Variants in CYB5R4 observed in about 807,000 individuals in gnomAD.
CYB5R4 encodes N-terminal cytochrome b5 and cytochrome b5 oxidoreductase domain-containing protein.
Under a neutral mutation model 70.2 loss-of-function variants are expected in CYB5R4, and 55 were observed. The ratio of observed to expected loss-of-function variants is 0.78; its 90% CI spans 0.63 to 0.98. The LOEUF (loss-of-function observed/expected upper bound fraction) is 0.98. Ranked by LOEUF, CYB5R4 falls within the 50% of genes least tolerant of loss-of-function variation. The probability of loss-of-function intolerance (pLI) is 0.00; values close to 1 mark genes in which losing one functional copy is unlikely to be tolerated. For missense variants in CYB5R4, 562 were observed against 612.6 expected (o/e 0.92, Z 0.87); for synonymous variants, 197 against 199.5 (o/e 0.99, Z 0.11).
At chr6:83,876,157 A>C (rs1409324969) in intron 2 of CYB5R4, among the ~76,000 whole-genome samples, 1 of 152,192 alleles carries the variant, frequency 6.6e-6, no homozygotes, top group Non-Finnish European at 1.5e-5. Flanking sequence ...CAGTTCTCTA[A>C]TATAGATTCA....
intron 5 of CYB5R4, 93 bp downstream of exon 5, chr6:83,914,541 C>G (rs2129138802): frequency 8.6e-7 from 1 of 1,165,286 alleles, no homozygotes; most frequent in African/African-American, 1.6e-5. Context: ...AAATTTTTTT[C>G]TTTTTTTTCT....
At chr6:83,947,400 TTAA>T (rs1371839827) in intron 14 of CYB5R4, among the ~76,000 whole-genome samples, 1 of 151,930 alleles carries the variant, frequency 6.6e-6, no homozygotes, top group Non-Finnish European at 1.5e-5. Flanking sequence ...TATGCAAAAA[TTAA>T]GATGGACTAA....
chr6:83,940,645 G>T (rs965208), intron 14 of CYB5R4, 44 bp downstream of exon 14: 182,914 of 1,563,214 alleles, frequency 0.12, 22,889 homozygotes, highest in African/African-American at 0.64. Context: ...TTTATACCTG[G>T]GTAGTAAGTC....
At chr6:83,864,040 C>T (rs1220022775) in intron 1 of CYB5R4, 135 bp from the exon 2 acceptor site, 15 of 761,400 alleles carry the variant, frequency 2.0e-5, no homozygotes, top group Admixed American at 1.4e-4. Context: ...AATTCAAATA[C>T]AGCATAAACA....
rs566397075 is a variant in CYB5R4 at position 83,898,726 on chromosome 6, A to G, written c.330+5104A>G. On this transcript the variant is annotated intron_variant, in intron 3 of 15. Coordinates refer to ENST00000369681, the MANE Select transcript of CYB5R4 (RefSeq NM_016230.4). ...TAGGTATTTTATTCTCTTTGAAGCA[A>G]TTGTGAATGGGAGTTCACTCATGAT... Among the ~76,000 whole-genome samples, 11 of 152,146 alleles carry G rather than the reference A, an allele frequency of 7.2e-5. No homozygotes were observed. The South Asian group carries it at 1.5e-3, about 20-fold the overall frequency.
intron 2 of CYB5R4, among the ~76,000 whole-genome samples, chr6:83,880,632 A>G (rs2099459298): frequency 6.6e-6 from 1 of 152,206 alleles, no homozygotes; most frequent in Non-Finnish European, 1.5e-5. Context: ...TTAGTATGTA[A>G]CTGATTGCTT....
chr6:83,907,765 A>T (rs1461550296), intron 3 of CYB5R4, among the ~76,000 whole-genome samples: 1 of 152,134 alleles, frequency 6.6e-6, no homozygotes, highest in African/African-American at 2.4e-5. Context: ...TACTAAGGAT[A>T]ATGGCCTCCA....
intron 14 of CYB5R4, among the ~76,000 whole-genome samples, chr6:83,953,130 T>C (rs2099471803): frequency 6.6e-6 from 1 of 152,162 alleles, no homozygotes; most frequent in South Asian, 2.1e-4. Flanking sequence ...ACTCTGTGAT[T>C]GAATAAATTT....
rs552693694 is a variant in CYB5R4 at position 83,961,631 on chromosome 6, C to G, written c.*1753C>G. 6.6e-6 allele frequency: 1 copy of G among 152,564 alleles called. No individual in the cohort carries two copies. The highest frequency in any genetic ancestry group is 2.1e-4 in the South Asian group (1 of 4,824). The allele number at this position is 152,564 out of a possible 1,614,324, so 9.5% of individuals were successfully genotyped here. On this transcript the variant is annotated 3_prime_UTR_variant, in exon 16 of 16. Coordinates refer to ENST00000369681, the MANE Select transcript of CYB5R4 (RefSeq NM_016230.4). ...GCAGAACTGTGAGTCAATTAAACCT[C>G]TTTTCTTCATAAATTACCCAGTCTC...
intron 2 of CYB5R4, among the ~76,000 whole-genome samples, chr6:83,881,253 C>T (rs903328528): frequency 6.6e-6 from 1 of 152,054 alleles, no homozygotes; most frequent in Non-Finnish European, 1.5e-5. Context: ...CAGCTCACTG[C>T]AGCCTCAGAC....
rs528600474 is a variant in CYB5R4, at chr6:83,963,079, A to G, written c.*3201A>G. The G allele has an allele frequency of 6.6e-6, 1 of 152,336 alleles. No individual in the cohort carries two copies. The highest frequency in any genetic ancestry group is 2.1e-4 in the South Asian group (1 of 4,834). 9.4% of individuals were successfully genotyped at this position (152,336 alleles called of 1,614,324 possible). A position where few individuals can be genotyped will look rare whatever the true frequency, so the allele number is the denominator to read the frequency against. On this transcript the variant is annotated 3_prime_UTR_variant, in exon 16 of 16. Transcript: ENST00000369681. The stretch of plus-strand genomic sequence containing the variant: ...GGTAATCTTCCTATTTTAAAAATCT[A>G]TAATTTTAATTATAGCTGTAAAGTC...
chr6:83,893,996 A>T (rs975825555), intron 3 of CYB5R4, among the ~76,000 whole-genome samples: 15 of 152,204 alleles, frequency 9.9e-5, no homozygotes, highest in Non-Finnish European at 1.5e-4. Context: ...CAAGTAACTT[A>T]GCTTCTTTTC....
rs899726356 is a variant in CYB5R4, at chr6:83,966,264, T to C, written c.*6386T>C. ...TTGTACATTTTAAGTAGATGAATTG[T>C]ATCTAATTTGAACCATATCTCAGTA... On this transcript the variant is annotated 3_prime_UTR_variant, in exon 16 of 16. Transcript: ENST00000369681. 6.6e-6 allele frequency: 1 copy of C among 152,252 alleles called. No individual in the cohort carries two copies. Among genetic ancestry groups the C allele is most frequent in the Non-Finnish European group, 1.5e-5 (1 of 68,046 alleles). 9.4% of individuals were successfully genotyped at this position (152,252 alleles called of 1,614,324 possible).
At chr6:83,876,198 CT>C (rs1028007785) in intron 2 of CYB5R4, among the ~76,000 whole-genome samples, 11 of 152,280 alleles carry the variant, frequency 7.2e-5, no homozygotes, top group Admixed American at 4.6e-4. Context: ...GAGCAACAGC[CT>C]GATAGGTTTC....
intron 3 of CYB5R4, among the ~76,000 whole-genome samples, chr6:83,893,948 C>T (rs1207531632): frequency 1.3e-5 from 2 of 152,132 alleles, no homozygotes; most frequent in African/African-American, 4.8e-5. Context: ...GAAGAAGGAA[C>T]ATTGGGATCC....
At chr6:83,945,094 C>T (rs2099470360) in intron 14 of CYB5R4, among the ~76,000 whole-genome samples, 3 of 152,176 alleles carry the variant, frequency 2.0e-5, no homozygotes, top group South Asian at 2.1e-4. Flanking sequence ...ATCTATGGAA[C>T]TCTTCACCCC....
chr6:83,862,045 G>C (rs1440798614), intron 1 of CYB5R4, among the ~76,000 whole-genome samples: 3 of 152,202 alleles, frequency 2.0e-5, no homozygotes, highest in African/African-American at 7.2e-5. Flanking sequence ...GAAAGACCTA[G>C]ATTCTTTCAC....
At chr6:83,952,583 A>G (rs547675926) in intron 14 of CYB5R4, among the ~76,000 whole-genome samples, 2 of 152,264 alleles carry the variant, frequency 1.3e-5, no homozygotes, top group South Asian at 2.1e-4. Flanking sequence ...TTTTGTTGAA[A>G]TAAATATTGT....
chr6:83,936,455 A>G (rs1450939268), intron 12 of CYB5R4, 79 bp downstream of exon 12: 19 of 1,252,288 alleles, frequency 1.5e-5, no homozygotes, highest in Non-Finnish European at 2.0e-5. Flanking sequence ...TCCATGTAGG[A>G]GTCTATCAGA....
Sources: allele counts gnomAD v4.1 joint callset (sites outside exome capture counted in the v4.1 genomes callset), GRCh38; gene constraint gnomAD v4.1.1; transcripts MANE v1.5; gene names NCBI Gene and HGNC (gene_info 2026-07-23, HGNC 2026-07-21).